The following TBCEL variants were observed in gnomAD, a reference collection of about 807,000 sequenced individuals.
TBCEL encodes the protein tubulin-specific chaperone cofactor E-like protein.
TBCEL carries 15 observed loss-of-function variants against 44.2 expected under a neutral mutation model. The observed-to-expected ratio is 0.34, with a 90% CI of 0.23 to 0.52. The LOEUF (loss-of-function observed/expected upper bound fraction) is 0.52, where lower values mean the gene tolerates loss of function less well. Among genes scored for constraint, TBCEL ranks in the 20% least tolerant of loss-of-function variants. TBCEL has a pLI of 0.95. For synonymous variants in TBCEL, 171 were observed against 185.4 expected (o/e 0.92, Z 0.63); for missense variants, 319 against 506.3 (o/e 0.63, Z 3.55).
chr11:121,086,687 C>A, intron 8 of TBCEL, 91 bp from the exon 9 acceptor site: 2 of 929,720 alleles, frequency 2.2e-6, no homozygotes, highest in Non-Finnish European at 3.2e-6. Context: ...AGATGTTGAG[C>A]CTAGTAATAT....
Position 121,071,921 on chromosome 11 carries a change from A to C in TBCEL, c.956+11836A>C, listed in dbSNP as rs112529192. On this transcript the variant is annotated intron_variant, in intron 8 of 8. Transcript: ENST00000683345. ...GTGAAGGAACATTTCTATACTGGACATGAGTCTCCTGGGGTTCTCCATATT... is the reference window on the plus strand; with the variant it reads ...GTGAAGGAACATTTCTATACTGGACCTGAGTCTCCTGGGGTTCTCCATATT... Among the ~76,000 whole-genome samples the C allele has an allele frequency of 3.8e-3, 582 of 152,268 alleles. 8 individuals carry two copies. Among genetic ancestry groups the C allele is most frequent in the African/African-American group, 0.011 (474 of 41,540 alleles).
At chr11:121,032,251 A>G (rs919809980) in intron 1 of TBCEL, among the ~76,000 whole-genome samples, 3 of 152,132 alleles carry the variant, frequency 2.0e-5, no homozygotes, top group South Asian at 2.1e-4. Context: ...TTACATGGGC[A>G]TGTTTCTGGG....
At chr11:121,071,818 T>C (rs191526230) in intron 8 of TBCEL, among the ~76,000 whole-genome samples, 11 of 152,318 alleles carry the variant, frequency 7.2e-5, no homozygotes, top group African/African-American at 2.6e-4. Flanking sequence ...GAAGGCTTAT[T>C]TTGTCTTGGA....
intron 8 of TBCEL, among the ~76,000 whole-genome samples, chr11:121,072,956 T>C (rs190021591): frequency 2.6e-4 from 40 of 152,264 alleles, no homozygotes; most frequent in Admixed American, 2.3e-3. Context: ...TCATATGTCT[T>C]ATTTTTTGTA....
At chr11:121,041,190 G>A (rs1467329119) in intron 2 of TBCEL, among the ~76,000 whole-genome samples, 1 of 152,114 alleles carries the variant, frequency 6.6e-6, no homozygotes, top group Non-Finnish European at 1.5e-5. Flanking sequence ...TCTGTTTTCA[G>A]TTGTGTTGAG....
At chr11:121,051,140 A>C (rs543276344) in intron 4 of TBCEL, among the ~76,000 whole-genome samples, 1 of 151,746 alleles carries the variant, frequency 6.6e-6, no homozygotes, top group South Asian at 2.1e-4. Flanking sequence ...GAATGATTAA[A>C]TTCTAGTTCA....
chr11:121,036,275 C>T (rs186735368), intron 1 of TBCEL: 37 of 152,118 alleles, frequency 2.4e-4, no homozygotes, highest in African/African-American at 8.7e-4. Flanking sequence ...ACTTGAAAGC[C>T]TTGGAATTTT....
intron 8 of TBCEL, among the ~76,000 whole-genome samples, chr11:121,081,245 T>C (rs1946119082): frequency 6.6e-6 from 1 of 152,232 alleles, no homozygotes; most frequent in South Asian, 2.1e-4. Flanking sequence ...ATGCTGTTTG[T>C]AGTAAATTTT....
chr11:121,044,644 T>C (rs775886268), intron 2 of TBCEL, among the ~76,000 whole-genome samples: 1 of 152,124 alleles, frequency 6.6e-6, no homozygotes, highest in African/African-American at 2.4e-5. Flanking sequence ...TTAATATGCA[T>C]CATAGGCCAG....
chr11:121,086,277 T>C (rs1456748803), intron 8 of TBCEL, among the ~76,000 whole-genome samples: 1 of 152,242 alleles, frequency 6.6e-6, no homozygotes, highest in African/African-American at 2.4e-5. Flanking sequence ...ATTGGAACGT[T>C]CAAACAAGGC....
chr11:121,059,191 A>G (rs1055764041), intron 7 of TBCEL, among the ~76,000 whole-genome samples: 1 of 151,950 alleles, frequency 6.6e-6, no homozygotes, highest in Non-Finnish European at 1.5e-5. Context: ...CTTTGTGACA[A>G]TCTAATGCTT....
Position 121,025,547 on chromosome 11 carries a change from C to T in TBCEL, c.-126+1256C>T, listed in dbSNP as rs547824362. On this transcript the variant is annotated intron_variant, in intron 1 of 8. Transcript: ENST00000683345. ...ATGTTCTGCTAATTTCTATTATATT[C>T]CACCCTCTTGCATTAAAAAAAATGC... is the stretch of plus-strand genomic sequence containing the variant. Among the ~76,000 whole-genome samples, 6 of 152,082 alleles carry T rather than the reference C, an allele frequency of 3.9e-5. No homozygotes were observed. In the East Asian group the frequency reaches 5.8e-4, roughly 15 times the overall value.
chr11:121,061,835 T>A (rs1945728989), intron 8 of TBCEL, among the ~76,000 whole-genome samples: 1 of 152,080 alleles, frequency 6.6e-6, no homozygotes, highest in African/African-American at 2.4e-5. Flanking sequence ...ACTATAGACT[T>A]TATCAACACT....
At chr11:121,031,662 CT>C (rs1159376351) in intron 1 of TBCEL, among the ~76,000 whole-genome samples, 12,249 of 101,972 alleles carry the variant, frequency 0.12, 295 homozygotes, top group East Asian at 0.23. Flanking sequence ...TTTTTTCTTT[CT>C]TTTTTTTTTT....
At position 121,061,054 on chromosome 11, in the gene TBCEL, A is replaced by G. The variant is rs1045729605; in HGVS notation, c.956+969A>G. ...AACAAGACTTTGTGGTATCATCAGT[A>G]GTGTTTTAAAGCCTAAGCATTTAAG... On this transcript the variant is annotated intron_variant, in intron 8 of 8. Coordinates refer to ENST00000683345, the MANE Select transcript of TBCEL (RefSeq NM_001363644.2). Among the ~76,000 whole-genome samples the G allele has an allele frequency of 2.0e-5, 3 of 152,184 alleles. No individual in the cohort carries two copies. In the East Asian group the frequency reaches 5.8e-4, roughly 29 times the overall value.
intron 1 of TBCEL, among the ~76,000 whole-genome samples, chr11:121,031,078 T>C (rs1293628905): frequency 6.6e-6 from 1 of 152,222 alleles, no homozygotes; most frequent in Non-Finnish European, 1.5e-5. Flanking sequence ...TAAGGGCTTC[T>C]CCACACTGCA....
chr11:121,090,394 A>G lies in TBCEL; in HGVS notation c.*3298A>G, dbSNP rs2135034915. 6.6e-6 allele frequency: 1 copy of G among 152,272 alleles called. No individual in the cohort carries two copies. Among genetic ancestry groups the G allele is most frequent in the Middle Eastern group, 3.4e-3 (1 of 294 alleles). 9.4% of individuals were successfully genotyped at this position (152,272 alleles called of 1,614,324 possible). A position where few individuals can be genotyped will look rare whatever the true frequency, so the allele number is the denominator to read the frequency against. On this transcript the variant is annotated 3_prime_UTR_variant, in exon 9 of 9. Coordinates refer to ENST00000683345, the MANE Select transcript of TBCEL (RefSeq NM_001363644.2). The stretch of plus-strand genomic sequence containing the variant: ...GCTCTAGGGCATGTAAAACATGAAT[A>G]CAGAATACTAGATTGTTCTAAGTAA...
At chr11:121,033,704 G>A (rs1945181746) in intron 1 of TBCEL, among the ~76,000 whole-genome samples, 1 of 152,014 alleles carries the variant, frequency 6.6e-6, no homozygotes, top group Non-Finnish European at 1.5e-5. Flanking sequence ...TAGTTTAGTG[G>A]CATTAAGTAC....
At chr11:121,041,234 G>A (rs1309390300) in intron 2 of TBCEL, among the ~76,000 whole-genome samples, 1 of 152,052 alleles carries the variant, frequency 6.6e-6, no homozygotes, top group Non-Finnish European at 1.5e-5. Context: ...CCGTTTATTG[G>A]GAACATAAAG....
Sources: allele counts gnomAD v4.1 joint callset (sites outside exome capture counted in the v4.1 genomes callset), GRCh38; gene constraint gnomAD v4.1.1; transcripts MANE v1.5; gene names NCBI Gene and HGNC (gene_info 2026-07-23, HGNC 2026-07-21).